CCP110: variants seen among roughly 807,000 people sequenced by gnomAD.
CCP110 encodes the protein centriolar coiled-coil protein 110.
In CCP110, 43 loss-of-function variants were observed where a neutral mutation model predicts 105.5. The observed-to-expected ratio is 0.41, with a 90% CI of 0.32 to 0.53. The LOEUF is 0.53. Ranked by LOEUF, CCP110 falls within the 20% of genes least tolerant of loss-of-function variation. The pLI is 0.32. For missense variants in CCP110, 1,016 were observed against 1,189.1 expected, an observed-to-expected ratio of 0.85 and a Z score of 2.14; for synonymous variants, 353 against 392.1, an observed-to-expected ratio of 0.90 and a Z score of 1.18.
intron 3 of CCP110, among the ~76,000 whole-genome samples, chr16:19,535,573 T>C (rs992926714): frequency 6.6e-6 from 1 of 152,216 alleles, no homozygotes; most frequent in African/African-American, 2.4e-5. Context: ...GTAATGTTAA[T>C]AACATATGAC....
intron 2 of CCP110, among the ~76,000 whole-genome samples, chr16:19,531,668 A>AT (rs1969871128): frequency 6.6e-6 from 1 of 152,222 alleles, no homozygotes; most frequent in Non-Finnish European, 1.5e-5. Flanking sequence ...GATCCAGTGA[A>AT]ATAAGATACT....
At chr16:19,551,327 C>A in exon 15 of CCP110, 1 of 1,134,310 alleles carries the variant, frequency 8.8e-7, no homozygotes, top group Non-Finnish European at 1.3e-6. Flanking sequence ...CTTTATTTAA[C>A]CCTGGACTCC....
At chr16:19,544,936 CAT>C (rs3841493) in intron 9 of CCP110, 38 bp downstream of exon 9, 151,208 of 1,094,438 alleles carry the variant, frequency 0.14, 11,604 homozygotes, top group Middle Eastern at 0.2. Flanking sequence ...AAGACATGGA[CAT>C]ATTATATTTC....
At chr16:19,545,788 G>C (rs775203385) in intron 10 of CCP110, 29 bp from the exon 11 acceptor site, 1 of 1,262,490 alleles carries the variant, frequency 7.9e-7, no homozygotes, top group African/African-American at 1.5e-5. Flanking sequence ...GGTTCCAGTA[G>C]AGTTTGACGT....
chr16:19,546,150 T>C lies in CCP110; in HGVS notation c.2777+260T>C. 2 of 524,776 alleles carry C rather than the reference T, an allele frequency of 3.8e-6. 1 individual carries two copies. Among genetic ancestry groups the C allele is most frequent in the South Asian group, 5.9e-5 (2 of 33,724 alleles). The allele number at this position is 524,776 out of a possible 1,614,324, so 32.5% of individuals were successfully genotyped here. ...GTTAATCTTAAAAACAGTTAATCTT[T>C]ATATTCAGTGCCTAAATATATTCCT... On this transcript the variant is annotated intron_variant, in intron 11 of 14. Coordinates refer to ENST00000381396, the Ensembl canonical transcript of CCP110.
chr16:19,529,990 A>G (rs1441049760), intron 2 of CCP110, among the ~76,000 whole-genome samples: 1 of 151,018 alleles, frequency 6.6e-6, no homozygotes, highest in Non-Finnish European at 1.5e-5. Flanking sequence ...TGATCCCCAG[A>G]GTTTGAGACC....
chr16:19,542,031 G>T (rs1159835337), exon 6 of CCP110: 1 of 1,591,198 alleles, frequency 6.3e-7, no homozygotes, highest in Non-Finnish European at 8.5e-7. Context: ...GTCTCAAGCG[G>T]ACTCACTCCA....
At chr16:19,528,421 G>C (rs1323195899) in intron 2 of CCP110, among the ~76,000 whole-genome samples, 1 of 152,138 alleles carries the variant, frequency 6.6e-6, no homozygotes, top group Non-Finnish European at 1.5e-5. Flanking sequence ...AAAGGTTGAC[G>C]AACCACCTAA....
At chr16:19,543,552 T>G (rs140178759) in intron 8 of CCP110, among the ~76,000 whole-genome samples, 3 of 152,190 alleles carry the variant, frequency 2.0e-5, no homozygotes, top group Non-Finnish European at 4.4e-5. Flanking sequence ...CAACCATAAC[T>G]GACTGCCTGC....
chr16:19,540,661 C>T lies in CCP110; in HGVS notation c.1923C>T (p.Ser641=), dbSNP rs550373334. The change falls in exon 5 of 15, where the codon AGC becomes AGT. Residue 641 remains serine, a synonymous_variant. Transcript: ENST00000381396. ...AGGAAACATGTTTCTTTTCAGAAAG[C>T]GAGGAGTTACTAAAAAGCAAGATGT... is the stretch of plus-strand genomic sequence containing the variant. The T allele has an allele frequency of 8.7e-6, 14 of 1,610,672 alleles. 1 individual carries two copies. The highest frequency in any genetic ancestry group is 1.7e-4 in the Middle Eastern group (1 of 6,048).
chr16:19,540,398 A>G lies in CCP110; in HGVS notation c.1919-259A>G, dbSNP rs530786877. 8.0e-4 allele frequency among the ~76,000 whole-genome samples: 122 copies of G among 152,350 alleles called. 1 individual carries two copies. The highest frequency in any genetic ancestry group is 1.7e-3 in the South Asian group (8 of 4,826). ...TCAGGAGAATCTTGTCTGAATATAT[A>G]GTCCTGGGTCTGTCATTTCAGATCA... On this transcript the variant is annotated intron_variant, in intron 4 of 14. Transcript: ENST00000381396.
intron 14 of CCP110, among the ~76,000 whole-genome samples, chr16:19,550,297 G>A (rs556051483): frequency 2.1e-4 from 32 of 152,036 alleles, no homozygotes; most frequent in Admixed American, 1.4e-3. Context: ...AATTACAGGC[G>A]CGTGCCACCA....
intron 2 of CCP110, among the ~76,000 whole-genome samples, chr16:19,532,179 C>G (rs1003733405): frequency 2.6e-5 from 4 of 152,058 alleles, no homozygotes; most frequent in Admixed American, 6.6e-5. Context: ...GTTAAAGTTC[C>G]ATGAGTTTTG....
chr16:19,539,600 C>G (rs1259610645), intron 4 of CCP110, among the ~76,000 whole-genome samples: 5 of 151,632 alleles, frequency 3.3e-5, no homozygotes, highest in Non-Finnish European at 7.4e-5. Context: ...GTGATCAGCC[C>G]TCCTTGGCCT....
At chr16:19,547,187 A>G (rs945332667) in intron 12 of CCP110, 5 of 152,188 alleles carry the variant, frequency 3.3e-5, no homozygotes, top group African/African-American at 9.7e-5. Context: ...TGGGTGGATC[A>G]CGAGGTCAGG....
chr16:19,535,058 T>C (rs553562490), intron 3 of CCP110, among the ~76,000 whole-genome samples: 1 of 151,924 alleles, frequency 6.6e-6, no homozygotes, highest in East Asian at 1.9e-4. Flanking sequence ...TTTTTTGTAT[T>C]TTTAGTAGAG....
At chr16:19,533,713 G>A (rs545922140) in intron 3 of CCP110, among the ~76,000 whole-genome samples, 7 of 152,250 alleles carry the variant, frequency 4.6e-5, no homozygotes, top group East Asian at 3.9e-4. Flanking sequence ...GTCTTTGTCC[G>A]TATCTTGTCA....
Position 19,536,828 on chromosome 16 carries a change from C to CAT in CCP110, c.1163_1164dup (p.Leu389TyrfsTer3). 6.2e-7 allele frequency: 1 copy of CAT among 1,614,070 alleles called. No homozygotes were observed. Among genetic ancestry groups the CAT allele is most frequent in the East Asian group, 2.2e-5 (1 of 44,876 alleles). On this transcript the variant is annotated frameshift_variant, in exon 4 of 15. Transcript: ENST00000381396. LOFTEE classifies it high-confidence loss of function. ...ACGTTCCAGGACATCATCAGCGTGT[C>CAT]ATATACTTATAAATAACCCAATAAA...
exon 4 of CCP110, chr16:19,536,363 A>G: frequency 6.2e-7 from 1 of 1,612,592 alleles, no homozygotes; most frequent in East Asian, 2.2e-5. Context: ...TCAGAATCTG[A>G]TGAAAAAGTC....
Sources: allele counts gnomAD v4.1 joint callset (sites outside exome capture counted in the v4.1 genomes callset), GRCh38; gene constraint gnomAD v4.1.1; transcripts MANE v1.5; gene names NCBI Gene and HGNC (gene_info 2026-07-23, HGNC 2026-07-21).